The following AGBL3 variants were observed in gnomAD, a reference collection of about 807,000 sequenced individuals.
AGBL3 encodes AGBL carboxypeptidase 3, also known as cytosolic carboxypeptidase 3.
Under a neutral mutation model 94.5 loss-of-function variants are expected in AGBL3, and 68 were observed. The ratio of observed to expected loss-of-function variants is 0.72; its 90% CI spans 0.59 to 0.88. AGBL3 has a LOEUF of 0.88. AGBL3 is among the 40% of genes least tolerant of loss of function. The probability of loss-of-function intolerance (pLI) is 0.00; values close to 1 mark genes in which losing one functional copy is unlikely to be tolerated. For synonymous variants in AGBL3, 354 were observed against 370.7 expected (o/e 0.95, Z 0.52); for missense variants, 934 against 1,103.8 (o/e 0.85, Z 2.18).
At chr7:135,003,791 A>G (rs1001257521) in intron 4 of AGBL3, among the ~76,000 whole-genome samples, 5 of 151,466 alleles carry the variant, frequency 3.3e-5, no homozygotes, top group African/African-American at 1.2e-4. Context: ...ACTTGTTTAC[A>G]TACAGGAAAG....
intron 15 of AGBL3, among the ~76,000 whole-genome samples, chr7:135,109,735 G>T (rs961664968): frequency 1.2e-4 from 18 of 152,202 alleles, no homozygotes; most frequent in Non-Finnish European, 2.5e-4. Context: ...CAGTGCCTGT[G>T]TGAAAAAGCA....
chr7:135,080,588 A>G lies in AGBL3; in HGVS notation c.2038+328A>G, dbSNP rs117275531. ...TTTGAAAGGCTTGCCCCCAAAGGGA[A>G]AGGCATTTATGTTTTAAAACCCATC... is the stretch of plus-strand genomic sequence containing the variant. On this transcript the variant is annotated intron_variant, in intron 14 of 16. Transcript: ENST00000436302. Among the ~76,000 whole-genome samples, 25 of 152,302 alleles carry G rather than the reference A, an allele frequency of 1.6e-4. No homozygotes were observed. In the East Asian group the frequency reaches 4.6e-3, roughly 28 times the overall value.
At chr7:135,072,790 C>T (rs1585007451) in intron 12 of AGBL3, among the ~76,000 whole-genome samples, 1 of 151,350 alleles carries the variant, frequency 6.6e-6, no homozygotes, top group African/African-American at 2.4e-5. Context: ...GGAGGGATAG[C>T]ATTAGGAGAT....
At chr7:135,019,115 A>G (rs1469238727) in intron 5 of AGBL3, among the ~76,000 whole-genome samples, 1 of 152,218 alleles carries the variant, frequency 6.6e-6, no homozygotes, top group Non-Finnish European at 1.5e-5. Context: ...TTATGTCTGA[A>G]TTCTTTGACT....
chr7:135,012,514 T>C (rs887529289), intron 4 of AGBL3: 15 of 152,186 alleles, frequency 9.9e-5, no homozygotes, highest in African/African-American at 3.1e-4. Flanking sequence ...AAATATTTGC[T>C]TTGTTTTTGG....
intron 5 of AGBL3, among the ~76,000 whole-genome samples, chr7:135,021,941 G>A (rs1814534190): frequency 6.6e-6 from 1 of 152,030 alleles, no homozygotes; most frequent in South Asian, 2.1e-4. Context: ...TCCTGTATTA[G>A]TCTGCTGAGG....
At chr7:135,097,177 G>A (rs1354198994) in intron 15 of AGBL3, among the ~76,000 whole-genome samples, 1 of 152,076 alleles carries the variant, frequency 6.6e-6, no homozygotes, top group Non-Finnish European at 1.5e-5. Context: ...ACATTTCCTG[G>A]TTCAAAGGTT....
chr7:135,119,218 A>T (rs1826763652), intron 16 of AGBL3, among the ~76,000 whole-genome samples: 1 of 151,964 alleles, frequency 6.6e-6, no homozygotes, highest in Non-Finnish European at 1.5e-5. Context: ...TCATGCCAAG[A>T]TACCCCAAAA....
chr7:135,107,494 G>A (rs1360037439), intron 15 of AGBL3, among the ~76,000 whole-genome samples: 1 of 152,172 alleles, frequency 6.6e-6, no homozygotes, highest in Non-Finnish European at 1.5e-5. Flanking sequence ...TCAGGAGCAT[G>A]TTGTTTAGTT....
chr7:135,017,674 T>G (rs4728345), intron 5 of AGBL3, among the ~76,000 whole-genome samples: 67,223 of 151,058 alleles, frequency 0.45, 15,521 homozygotes, highest in East Asian at 0.78. Flanking sequence ...AAGTATAGAC[T>G]CCACATAATT....
intron 4 of AGBL3, among the ~76,000 whole-genome samples, chr7:135,002,232 G>A (rs1343472049): frequency 6.6e-6 from 1 of 152,158 alleles, no homozygotes; most frequent in Non-Finnish European, 1.5e-5. Context: ...GCTTGTTACA[G>A]TGAAATGATA....
chr7:135,127,051 C>G (rs1453600430), intron 16 of AGBL3, among the ~76,000 whole-genome samples: 1 of 152,090 alleles, frequency 6.6e-6, no homozygotes, highest in African/African-American at 2.4e-5. Flanking sequence ...TTCTGCATAG[C>G]AAAAGAAACC....
chr7:135,004,267 T>TAGTATTGAAATAAAGTGC (rs1812102314), intron 4 of AGBL3, among the ~76,000 whole-genome samples: 1 of 151,742 alleles, frequency 6.6e-6, no homozygotes, highest in South Asian at 2.1e-4. Flanking sequence ...ACCAGTTGTA[T>TAGTATTGAAATAAAGTGC]AGTATTGAAA....
At position 135,131,561 on chromosome 7, in the gene AGBL3, T is replaced by C. The variant is rs187042431; in HGVS notation, c.2343-3280T>C. ...TGAGATATAGCTAAAGCAGTACTGA[T>C]ACAGAAATTTATAGAACTAACTGCA... is the stretch of plus-strand genomic sequence containing the variant. On this transcript the variant is annotated intron_variant, in intron 16 of 16. Coordinates refer to ENST00000436302, the MANE Select transcript of AGBL3 (RefSeq NM_178563.4). Among the ~76,000 whole-genome samples the C allele has an allele frequency of 5.3e-5, 8 of 152,092 alleles. No individual in the cohort carries two copies. In the East Asian group the frequency reaches 1.3e-3, roughly 26 times the overall value.
chr7:135,076,538 C>T (rs1000526312), intron 13 of AGBL3, 70 bp downstream of exon 13: 6 of 1,153,918 alleles, frequency 5.2e-6, no homozygotes, highest in East Asian at 2.6e-5. Flanking sequence ...GTTATTTTCT[C>T]TTATACTTCT....
intron 15 of AGBL3, among the ~76,000 whole-genome samples, chr7:135,096,775 GA>G (rs1554516788): frequency 6.7e-6 from 1 of 148,540 alleles, no homozygotes; most frequent in Admixed American, 6.7e-5. Flanking sequence ...AAGAAAGAAA[GA>G]AAGAAAGAAA....
intron 12 of AGBL3, among the ~76,000 whole-genome samples, chr7:135,066,105 C>T (rs1819273058): frequency 6.6e-6 from 1 of 152,016 alleles, no homozygotes; most frequent in Non-Finnish European, 1.5e-5. Flanking sequence ...GCATAGACAA[C>T]AAAAACAAAC....
Position 135,037,511 on chromosome 7 carries a change from C to G in AGBL3, c.1431C>G (p.Asp477Glu). 6.5e-7 allele frequency: 1 copy of G among 1,549,282 alleles called. No homozygotes were observed. Among genetic ancestry groups the G allele is most frequent in the Non-Finnish European group, 8.7e-7 (1 of 1,145,714 alleles). ...NIFMYGCDGS[D>E]RSKTLYLQQR... ...TCATGTATGGCTGTGATGGTAGTGA[C>G]AGATCTAAGACATTATACTTACAGC... Residue 477 changes from aspartate to glutamate, a missense_variant, in exon 8 of 17, where the codon GAC becomes GAG. Physicochemically the swap from Asp to Glu is conservative, Grantham distance 45. This residue lies in a region of AGBL3 where 441 missense variants were observed against 518.2 expected (regional missense o/e 0.85). Transcript: ENST00000436302.
chr7:135,073,227 G>C (rs1186215811), intron 12 of AGBL3, among the ~76,000 whole-genome samples: 1 of 152,066 alleles, frequency 6.6e-6, no homozygotes, highest in African/African-American at 2.4e-5. Flanking sequence ...CAGCACTATG[G>C]GAGGCCGATG....
Sources: allele counts gnomAD v4.1 joint callset (sites outside exome capture counted in the v4.1 genomes callset), GRCh38; gene constraint gnomAD v4.1.1; regional missense constraint gnomAD v4.1.1; transcripts MANE v1.5; gene names NCBI Gene and HGNC (gene_info 2026-07-23, HGNC 2026-07-21).